The following FBN2 variants were observed in gnomAD, a reference collection of about 807,000 sequenced individuals.
FBN2 encodes the protein fibrillin-2.
In FBN2, 105 loss-of-function variants were observed where a neutral mutation model predicts 355.6. The ratio of observed to expected loss-of-function variants is 0.30; its 90% CI spans 0.25 to 0.35. The LOEUF (loss-of-function observed/expected upper bound fraction) is 0.35, where lower values mean the gene tolerates loss of function less well. Among genes scored for constraint, FBN2 ranks in the 10% least tolerant of loss-of-function variants. The pLI is 1.00. For synonymous variants in FBN2, 1,350 were observed against 1,301.2 expected (o/e 1.04, Z -0.81); for missense variants, 3,280 against 3,758.7 (o/e 0.87, Z 3.33).
chr5:128,389,083 GTC>G (rs994420084), intron 11 of FBN2, among the ~76,000 whole-genome samples: 8 of 152,142 alleles, frequency 5.3e-5, no homozygotes, highest in Non-Finnish European at 8.8e-5. Context: ...TTAAAGAACA[GTC>G]TTTGAGCTCT....
At chr5:128,516,527 C>G (rs1353773379) in intron 5 of FBN2, among the ~76,000 whole-genome samples, 1 of 152,094 alleles carries the variant, frequency 6.6e-6, no homozygotes, top group Non-Finnish European at 1.5e-5. Context: ...GTCTCTGGGT[C>G]TGGAAACCAG....
chr5:128,358,741 AG>A (rs1318432163), intron 19 of FBN2, among the ~76,000 whole-genome samples: 5 of 152,100 alleles, frequency 3.3e-5, no homozygotes, highest in Admixed American at 6.6e-5. Context: ...TAACCATAAA[AG>A]AAGCAGATAA....
intron 5 of FBN2, among the ~76,000 whole-genome samples, chr5:128,479,496 A>G (rs1755097005): frequency 6.6e-6 from 1 of 152,206 alleles, no homozygotes; most frequent in African/African-American, 2.4e-5. Flanking sequence ...TGAAATAAGT[A>G]CTATCCTTAT....
intron 44 of FBN2, 49 bp downstream of exon 44, chr5:128,305,462 T>G: frequency 6.2e-7 from 1 of 1,607,422 alleles, no homozygotes. Context: ...ATAGGAAATC[T>G]AAGGAATCTT....
intron 6 of FBN2, among the ~76,000 whole-genome samples, chr5:128,455,649 C>T (rs542053337): frequency 6.6e-6 from 1 of 152,182 alleles, no homozygotes; most frequent in African/African-American, 2.4e-5. Flanking sequence ...GCGTGATCCA[C>T]AGAGAGAAGG....
chr5:128,463,147 T>C (rs1217902533), intron 6 of FBN2, among the ~76,000 whole-genome samples: 1 of 152,058 alleles, frequency 6.6e-6, no homozygotes, highest in Admixed American at 6.6e-5. Context: ...ATAATCTATA[T>C]CCACTATATA....
At chr5:128,489,102 T>A (rs1755430271) in intron 5 of FBN2, among the ~76,000 whole-genome samples, 1 of 146,364 alleles carries the variant, frequency 6.8e-6, no homozygotes, top group South Asian at 2.2e-4. Context: ...GTTGAACTAG[T>A]TTACAGTCCC....
At chr5:128,338,232 G>T in intron 26 of FBN2, 110 bp from the exon 27 acceptor site, 1 of 1,102,434 alleles carries the variant, frequency 9.1e-7, no homozygotes, top group Non-Finnish European at 1.4e-6. Context: ...GTTAGTGGAA[G>T]AGAGATGCTT....
chr5:128,483,893 G>A (rs1222883590), intron 5 of FBN2, among the ~76,000 whole-genome samples: 3 of 152,118 alleles, frequency 2.0e-5, no homozygotes, highest in Non-Finnish European at 4.4e-5. Flanking sequence ...TGCCAGTAGA[G>A]ACTACTTAAC....
chr5:128,383,405 T>C (rs1237068297), intron 11 of FBN2, among the ~76,000 whole-genome samples: 1 of 152,062 alleles, frequency 6.6e-6, no homozygotes, highest in Non-Finnish European at 1.5e-5. Context: ...GACCTTACAT[T>C]TGGCAAAGAT....
At chr5:128,382,587 A>G (rs2126964811) in intron 11 of FBN2, among the ~76,000 whole-genome samples, 2 of 152,178 alleles carry the variant, frequency 1.3e-5, no homozygotes, top group Admixed American at 1.3e-4. Flanking sequence ...CTAGACACCT[A>G]AAACTCAGCA....
chr5:128,509,811 G>A (rs1756064210), intron 5 of FBN2, among the ~76,000 whole-genome samples: 1 of 152,050 alleles, frequency 6.6e-6, no homozygotes, highest in African/African-American at 2.4e-5. Context: ...CTCCACTATT[G>A]AGGCAACACT....
At chr5:128,395,030 C>G in intron 9 of FBN2, 92 bp downstream of exon 9, 1 of 1,428,042 alleles carries the variant, frequency 7.0e-7, no homozygotes. Context: ...AAGCAATCCA[C>G]CTGCCTTGGT....
intron 16 of FBN2, among the ~76,000 whole-genome samples, chr5:128,367,552 C>T (rs1174154423): frequency 6.6e-6 from 1 of 151,904 alleles, no homozygotes; most frequent in Non-Finnish European, 1.5e-5. Flanking sequence ...TTTAGGCCTG[C>T]TTTGAAAGTC....
chr5:128,328,706 T>G lies in FBN2; in HGVS notation c.4461A>C (p.Arg1487Ser). The G allele has an allele frequency of 6.2e-7, 1 of 1,614,164 alleles. No individual in the cohort carries two copies. The highest frequency in any genetic ancestry group is 8.5e-7 in the Non-Finnish European group (1 of 1,180,024). ...ATCCTGGTGACCCACCTTGGCAGGATCTGCTGTCTGAGGCTGGAGTGAAGC... is the reference window on the plus strand; with the variant it reads ...ATCCTGGTGACCCACCTTGGCAGGAGCTGCTGTCTGAGGCTGGAGTGAAGC... ...EMGFTPASDS[R>S]SCQDIDECSF... Residue 1487 changes from arginine to serine, a missense_variant, in exon 34 of 65, where the codon AGA becomes AGC. By Grantham distance (110) the Arg-to-Ser change is moderately radical. This residue lies in a region of FBN2 where 2,284 missense variants were observed against 2,749.5 expected (regional missense o/e 0.83). Transcript: ENST00000262464.
At chr5:128,285,125 G>C (rs1272578002) in intron 55 of FBN2, among the ~76,000 whole-genome samples, 1 of 152,174 alleles carries the variant, frequency 6.6e-6, no homozygotes, top group African/African-American at 2.4e-5. Context: ...TTTCATTAAA[G>C]AGGTCTTAGA....
intron 26 of FBN2, 100 bp downstream of exon 26, chr5:128,338,833 A>G (rs963031989): frequency 7.7e-7 from 1 of 1,296,820 alleles, no homozygotes; most frequent in African/African-American, 1.5e-5. Context: ...TGCTGGCCAC[A>G]CATGCCGTTC....
chr5:128,382,026 C>T (rs1752247435), intron 11 of FBN2, among the ~76,000 whole-genome samples: 2 of 151,970 alleles, frequency 1.3e-5, no homozygotes, highest in Admixed American at 6.6e-5. Context: ...CTCTCTATAC[C>T]TGGCCTCTCA....
intron 6 of FBN2, among the ~76,000 whole-genome samples, chr5:128,448,724 C>T (rs915290232): frequency 6.6e-6 from 1 of 152,016 alleles, no homozygotes; most frequent in Non-Finnish European, 1.5e-5. Flanking sequence ...CTAATTATTA[C>T]TTTAGTTTTC....
Sources: gnomAD v4.1 joint callset for allele counts (sites outside exome capture counted in the v4.1 genomes callset) on GRCh38, gnomAD v4.1.1 for gene constraint, gnomAD v4.1.1 regional missense constraint, MANE v1.5 for transcripts, NCBI Gene and HGNC (gene_info 2026-07-23, HGNC 2026-07-21) for gene names.